PCGF5: variants seen among roughly 807,000 people sequenced by gnomAD.
PCGF5 encodes the protein polycomb group ring finger 5.
In PCGF5, 9 loss-of-function variants were observed where a neutral mutation model predicts 44.3. The ratio of observed to expected loss-of-function variants is 0.20; its 90% CI spans 0.12 to 0.35. PCGF5 has a LOEUF of 0.35. Among genes scored for constraint, PCGF5 ranks in the 10% least tolerant of loss-of-function variants. The pLI is 1.00. For missense variants in PCGF5, 146 were observed against 305.3 expected, an observed-to-expected ratio of 0.48 and a Z score of 3.89; for synonymous variants, 95 against 102.5, an observed-to-expected ratio of 0.93 and a Z score of 0.44.
At chr10:91,260,951 A>C (rs1245399345) in intron 6 of PCGF5, among the ~76,000 whole-genome samples, 1 of 146,232 alleles carries the variant, frequency 6.8e-6, no homozygotes, top group Non-Finnish European at 1.5e-5. Flanking sequence ...CTAAAACTTA[A>C]AGCATAATAA....
upstream of PCGF5, among the ~76,000 whole-genome samples, chr10:91,218,702 G>T (rs1393207553): frequency 6.6e-6 from 1 of 151,826 alleles, no homozygotes; most frequent in African/African-American, 2.4e-5. Flanking sequence ...GTGCGATCTC[G>T]GCTCACTGCA....
Position 91,240,569 on chromosome 10 carries a change from A to G in PCGF5, c.198A>G (p.Leu66=). Reference sequence around the variant, plus strand: ...ACCAAGTTCATGAGACAAATCCATTAGAAATGTTGAGGTAAGGATGTTATA... The same window carrying G: ...ACCAAGTTCATGAGACAAATCCATTGGAAATGTTGAGGTAAGGATGTTATA... The part of the protein sequence containing the change: ...CGNQVHETNP[L]EMLRLDNTLE... The change falls in exon 3 of 10, where the codon TTA becomes TTG. Residue 66 remains leucine, a synonymous_variant. Transcript: ENST00000336126. 6.2e-7 allele frequency: 1 copy of G among 1,604,686 alleles called. No homozygotes were observed. The highest frequency in any genetic ancestry group is 8.5e-7 in the Non-Finnish European group (1 of 1,172,544).
intron 9 of PCGF5, among the ~76,000 whole-genome samples, chr10:91,272,844 C>G (rs1846213006): frequency 6.6e-6 from 1 of 152,140 alleles, no homozygotes; most frequent in Non-Finnish European, 1.5e-5. Flanking sequence ...GAGTTTTCAT[C>G]TTTATTTCCT....
chr10:91,240,644 T>G, intron 3 of PCGF5, 64 bp downstream of exon 3: 1 of 1,001,018 alleles, frequency 1.0e-6, no homozygotes, highest in Non-Finnish European at 1.5e-6. Context: ...TTAATTTTTA[T>G]TGTATGTCAT....
chr10:91,268,927 G>A (rs7903610), intron 8 of PCGF5, among the ~76,000 whole-genome samples: 19,861 of 151,842 alleles, frequency 0.13, 2,439 homozygotes, highest in African/African-American at 0.32. Context: ...TTTTCAGTTC[G>A]TATCAGTATT....
intron 8 of PCGF5, among the ~76,000 whole-genome samples, chr10:91,269,563 G>T (rs1846128743): frequency 6.6e-6 from 1 of 152,034 alleles, no homozygotes; most frequent in South Asian, 2.1e-4. Flanking sequence ...TACAAGCAAG[G>T]TGTTCCAGTA....
chr10:91,181,309 A>G (rs1483954818), intron 1 of PCGF5, among the ~76,000 whole-genome samples: 2 of 152,202 alleles, frequency 1.3e-5, no homozygotes, highest in African/African-American at 4.8e-5. Flanking sequence ...AAACAGGGAT[A>G]GTTTGACTTC....
intron 1 of PCGF5, among the ~76,000 whole-genome samples, chr10:91,184,335 A>G (rs956183615): frequency 2.0e-5 from 3 of 151,948 alleles, no homozygotes; most frequent in Admixed American, 1.3e-4. Flanking sequence ...AGATTCCTCT[A>G]CGTGGTCTAT....
intron 1 of PCGF5, among the ~76,000 whole-genome samples, chr10:91,211,836 G>C (rs1158110787): frequency 2.0e-5 from 3 of 151,984 alleles, no homozygotes; most frequent in Non-Finnish European, 2.9e-5. Context: ...GGAAAGAGTG[G>C]AGACAAGGTT....
At chr10:91,256,074 G>A (rs1845745853) in intron 6 of PCGF5, among the ~76,000 whole-genome samples, 1 of 152,018 alleles carries the variant, frequency 6.6e-6, no homozygotes, top group South Asian at 2.1e-4. Flanking sequence ...ACAGAGAGCT[G>A]ATTGTTTGAC....
intron 2 of PCGF5, among the ~76,000 whole-genome samples, chr10:91,235,565 A>G (rs887444509): frequency 6.6e-6 from 1 of 151,988 alleles, no homozygotes; most frequent in African/African-American, 2.4e-5. Flanking sequence ...TTAGCCGGGC[A>G]TGGTGGCCGA....
At chr10:91,218,704 C>G (rs1412763426), upstream of PCGF5, among the ~76,000 whole-genome samples, 2 of 152,048 alleles carry the variant, frequency 1.3e-5, no homozygotes, top group Non-Finnish European at 2.9e-5. Flanking sequence ...GCGATCTCGG[C>G]TCACTGCAAC....
At chr10:91,193,395 A>G (rs78824294) in intron 1 of PCGF5, among the ~76,000 whole-genome samples, 3,210 of 144,400 alleles carry the variant, frequency 0.022, 107 homozygotes, top group African/African-American at 0.074. Context: ...AAGCTACTTC[A>G]TTAGTGGTAA....
At chr10:91,193,092 AC>A (rs1411069498) in intron 1 of PCGF5, among the ~76,000 whole-genome samples, 1 of 152,158 alleles carries the variant, frequency 6.6e-6, no homozygotes, top group Non-Finnish European at 1.5e-5. Flanking sequence ...GACTCCACCC[AC>A]CCATGCTGAG....
chr10:91,159,647 A>G (rs745336151), upstream of PCGF5, among the ~76,000 whole-genome samples: 243 of 152,346 alleles, frequency 1.6e-3, 2 homozygotes, highest in Middle Eastern at 0.01. Flanking sequence ...AGTTTATGGT[A>G]GTTTGTTATG....
At chr10:91,228,726 A>G (rs11817842) in intron 2 of PCGF5, among the ~76,000 whole-genome samples, 5,692 of 152,306 alleles carry the variant, frequency 0.037, 335 homozygotes, top group African/African-American at 0.13. Flanking sequence ...TGATGCTTTG[A>G]TATTCAATAT....
chr10:91,257,242 A>G (rs1845778311), intron 6 of PCGF5, among the ~76,000 whole-genome samples: 1 of 152,154 alleles, frequency 6.6e-6, no homozygotes, highest in Non-Finnish European at 1.5e-5. Flanking sequence ...TCTGCAAATC[A>G]AAACCACAAT....
intron 2 of PCGF5, among the ~76,000 whole-genome samples, chr10:91,233,580 G>A (rs1375291819): frequency 6.6e-6 from 1 of 151,968 alleles, no homozygotes; most frequent in Non-Finnish European, 1.5e-5. Flanking sequence ...AGAATAATTA[G>A]TTCATTATAC....
intron 1 of PCGF5, among the ~76,000 whole-genome samples, chr10:91,201,679 G>GT (rs1352140528): frequency 6.6e-6 from 1 of 150,576 alleles, no homozygotes; most frequent in East Asian, 1.9e-4. Context: ...TAACACTACT[G>GT]TAACACCTCA....
Sources: allele counts gnomAD v4.1 joint callset (sites outside exome capture counted in the v4.1 genomes callset), GRCh38; gene constraint gnomAD v4.1.1; transcripts MANE v1.5; gene names NCBI Gene and HGNC (gene_info 2026-07-23, HGNC 2026-07-21).